SGSM2: variants seen among roughly 807,000 people sequenced by gnomAD.
The protein encoded by SGSM2 is RUN and TBC1 domain containing 1.
In SGSM2, 89 loss-of-function variants were observed where a neutral mutation model predicts 126.6. The ratio of observed to expected loss-of-function variants is 0.70; its 90% CI spans 0.59 to 0.84. The LOEUF is 0.84. Ranked by LOEUF, SGSM2 falls within the 40% of genes least tolerant of loss-of-function variation. The pLI is 0.00. For missense variants in SGSM2, 1,404 were observed against 1,416.6 expected, an observed-to-expected ratio of 0.99 and a Z score of 0.14; for synonymous variants, 614 against 574.3, an observed-to-expected ratio of 1.07 and a Z score of -0.99.
intron 2 of SGSM2, among the ~76,000 whole-genome samples, chr17:2,350,809 G>T (rs1245932824): frequency 1.3e-5 from 2 of 152,192 alleles, no homozygotes; most frequent in African/African-American, 4.8e-5. Flanking sequence ...GGTGTGGTAG[G>T]CAGGGGCCGA....
At chr17:2,344,017 G>T (rs535113372) in intron 2 of SGSM2, among the ~76,000 whole-genome samples, 100 of 152,254 alleles carry the variant, frequency 6.6e-4, no homozygotes, top group Admixed American at 1.9e-3. Flanking sequence ...TTTTGATTTT[G>T]ACTTCAGGGA....
chr17:2,338,644 C>T (rs867726426), intron 1 of SGSM2, among the ~76,000 whole-genome samples: 1 of 152,002 alleles, frequency 6.6e-6, no homozygotes, highest in Non-Finnish European at 1.5e-5. Flanking sequence ...ATACTGTAGG[C>T]ACTCCGTGAC....
At chr17:2,349,142 CAGCTGGG>C (rs2064736427) in intron 2 of SGSM2, among the ~76,000 whole-genome samples, 1 of 151,740 alleles carries the variant, frequency 6.6e-6, no homozygotes, top group Non-Finnish European at 1.5e-5. Flanking sequence ...TTGGGAGGCT[CAGCTGGG>C]TGGATCACCT....
Position 2,379,108 on chromosome 17 carries a change from T to C in SGSM2, c.2972T>C (p.Phe991Ser). 6.2e-7 allele frequency: 1 copy of C among 1,614,168 alleles called. No individual in the cohort carries two copies. The highest frequency in any genetic ancestry group is 2.2e-5 in the East Asian group (1 of 44,882). Residue 991 changes from phenylalanine to serine, a missense_variant, in exon 23 of 24, where the codon TTT (phenylalanine) becomes TCT (serine). Transcript: ENST00000268989. The stretch of plus-strand genomic sequence containing the variant: ...GCCAGGCACATCTCATCGGAGCACT[T>C]TGTCCTGTTCATCGCCCTCGCCCTG... Reference protein sequence around the residue: ...WAARHISSEHFVLFIALALVE... With the variant: ...WAARHISSEHSVLFIALALVE...
At chr17:2,343,088 G>A (rs1264551295) in intron 1 of SGSM2, among the ~76,000 whole-genome samples, 1 of 152,214 alleles carries the variant, frequency 6.6e-6, no homozygotes, top group Non-Finnish European at 1.5e-5. Flanking sequence ...GGGCTTTTGA[G>A]CATGTAGAGG....
chr17:2,350,558 C>T (rs940269809), intron 2 of SGSM2, among the ~76,000 whole-genome samples: 2 of 151,644 alleles, frequency 1.3e-5, no homozygotes, highest in Non-Finnish European at 1.5e-5. Flanking sequence ...TGCAGTGAGC[C>T]GAGACCGTAC....
intron 3 of SGSM2, 96 bp downstream of exon 3, chr17:2,361,895 G>A (rs2065325279): frequency 1.4e-6 from 2 of 1,458,814 alleles, no homozygotes; most frequent in African/African-American, 2.8e-5. Flanking sequence ...TGGCATCCTG[G>A]GCCTGTTCCT....
At position 2,378,444 on chromosome 17, in the gene SGSM2, C is replaced by T. The variant is rs144997602; in HGVS notation, c.2899+491C>T. 3.4e-4 allele frequency among the ~76,000 whole-genome samples: 52 copies of T among 150,938 alleles called. No homozygotes were observed. The East Asian group carries it at 8.0e-3, about 23-fold the overall frequency. On this transcript the variant is annotated intron_variant, in intron 22 of 23. Transcript: ENST00000268989. The stretch of plus-strand genomic sequence containing the variant: ...TACAAAAATCAGCCGGGCATGGTGG[C>T]GGGTGCCTGTAGTGGAGGCAAGGTT...
chr17:2,354,289 C>G (rs1055079035), intron 2 of SGSM2, among the ~76,000 whole-genome samples: 24 of 152,188 alleles, frequency 1.6e-4, no homozygotes, highest in Middle Eastern at 3.4e-3. Context: ...ACCTCGTGAC[C>G]CACCCGCCTC....
In SGSM2 at chr17:2,363,223, C is replaced by A. The variant is rs970681638; in HGVS notation, c.672+89C>A. On this transcript the variant is annotated intron_variant, in intron 6 of 23. Coordinates refer to ENST00000268989, the MANE Select transcript of SGSM2 (RefSeq NM_014853.3). This position sits in a 1 kb window ranked among gnomAD's most constrained non-coding sequence, Gnocchi z 4.2. ...GAAACCGGCCTCTCTACGGGACAGG[C>A]CTTGGAGATGCCCCAAGGTAGCGGC... 4.1e-6 allele frequency: 6 copies of A among 1,451,532 alleles called. No individual in the cohort carries two copies. In the South Asian group the frequency reaches 8.0e-5, roughly 19 times the overall value. 89.9% of individuals were successfully genotyped at this position (1,451,532 alleles called of 1,614,324 possible).
At chr17:2,339,754 T>C (rs905942522) in intron 1 of SGSM2, among the ~76,000 whole-genome samples, 1 of 151,226 alleles carries the variant, frequency 6.6e-6, no homozygotes, top group African/African-American at 2.4e-5. Flanking sequence ...ATGGTTCTCA[T>C]GCGTTAGCCA....
At chr17:2,373,940 G>A (rs568720213) in intron 17 of SGSM2, 4 of 178,034 alleles carry the variant, frequency 2.2e-5, no homozygotes, top group Admixed American at 1.7e-4. Flanking sequence ...GACTGCAGAG[G>A]CTTCCTGAGA....
At chr17:2,353,015 G>C (rs1474768728) in intron 2 of SGSM2, among the ~76,000 whole-genome samples, 1 of 151,600 alleles carries the variant, frequency 6.6e-6, no homozygotes, top group Non-Finnish European at 1.5e-5. Flanking sequence ...CTGACCTCGT[G>C]ATCCACCCGC....
intron 22 of SGSM2, among the ~76,000 whole-genome samples, chr17:2,378,512 C>G (rs868500371): frequency 6.8e-6 from 1 of 147,594 alleles, no homozygotes; most frequent in Non-Finnish European, 1.5e-5. Flanking sequence ...GCCTGGGCAA[C>G]AGAGCCAGAC....
chr17:2,340,675 C>T (rs2064315156), intron 1 of SGSM2, among the ~76,000 whole-genome samples: 1 of 151,906 alleles, frequency 6.6e-6, no homozygotes. Context: ...AGCTCCGCCT[C>T]CCGGGTTCAC....
chr17:2,363,825 C>T lies in SGSM2; in HGVS notation c.807+226C>T. On this transcript the variant is annotated intron_variant, in intron 7 of 23. Coordinates refer to ENST00000268989, the MANE Select transcript of SGSM2 (RefSeq NM_014853.3). The surrounding 1 kb of genome is among the most constrained non-coding windows in gnomAD (Gnocchi z 4.2). Reference sequence around the variant, plus strand: ...AGGGGAGTCCGCAGTGTGGGTATGGCTGGCCTGGAATGGACCTGGCATCCA... The same window carrying T: ...AGGGGAGTCCGCAGTGTGGGTATGGTTGGCCTGGAATGGACCTGGCATCCA... 1.2e-6 allele frequency: 1 copy of T among 806,072 alleles called. No homozygotes were observed. Among genetic ancestry groups the T allele is most frequent in the Non-Finnish European group, 1.9e-6 (1 of 520,706 alleles). 49.9% of individuals were successfully genotyped at this position (806,072 alleles called of 1,614,324 possible). A position where few individuals can be genotyped will look rare whatever the true frequency, so the allele number is the denominator to read the frequency against.
chr17:2,363,114 G>T lies in SGSM2; in HGVS notation c.652G>T (p.Ala218Ser), dbSNP rs1325516945. ...TCCACCTACTCGCCAGGACTCCCCT[G>T]CAAAGCGCCCAGCCCTGGGGGTAGG... ...RGPPTRQDSPAKRPALGIRKR... is the reference protein window; with the variant it reads ...RGPPTRQDSPSKRPALGIRKR... The change falls in exon 6 of 24, where the codon GCA becomes TCA. Residue 218 changes from alanine (A) to serine (S), a missense_variant. Physicochemically the swap from Ala to Ser is moderately conservative, Grantham distance 99 (BLOSUM62 1). Coordinates refer to ENST00000268989, the MANE Select transcript of SGSM2 (RefSeq NM_014853.3). This position sits in a 1 kb window ranked among gnomAD's most constrained non-coding sequence, Gnocchi z 4.2. The T allele has an allele frequency of 1.2e-6, 2 of 1,608,358 alleles. No homozygotes were observed. The highest frequency in any genetic ancestry group is 1.7e-6 in the Non-Finnish European group (2 of 1,178,104).
In SGSM2 at chr17:2,347,403, G is replaced by T. The variant is rs370516400; in HGVS notation, c.133+3783G>T. Among the ~76,000 whole-genome samples, 236 of 150,206 alleles carry T rather than the reference G, an allele frequency of 1.6e-3. 1 individual carries two copies. The highest frequency in any genetic ancestry group is 5.6e-3 in the African/African-American group (228 of 40,910). ...ATTACAGGTGTGAACCATCACACCCGGCCTCATTTTTTTTTTTTTTTTTTA... is the reference window on the plus strand; with the variant it reads ...ATTACAGGTGTGAACCATCACACCCTGCCTCATTTTTTTTTTTTTTTTTTA... On this transcript the variant is annotated intron_variant, in intron 2 of 23. Coordinates refer to ENST00000268989, the MANE Select transcript of SGSM2 (RefSeq NM_014853.3).
At position 2,377,246 on chromosome 17, in the gene SGSM2, G is replaced by A. The variant is rs1321022642; in HGVS notation, c.2802+178G>A. 21 of 562,604 alleles carry A rather than the reference G, an allele frequency of 3.7e-5. No homozygotes were observed. The Admixed American group carries it at 7.1e-4, about 19-fold the overall frequency. The allele number at this position is 562,604 out of a possible 1,614,324, so 34.9% of individuals were successfully genotyped here. A position where few individuals can be genotyped will look rare whatever the true frequency, so the allele number is the denominator to read the frequency against. Reference sequence around the variant, plus strand: ...CAGGCCTGTCATCCCAGCAATTTAGGAGGCCGAGGCAGGCGGATCACGAAG... The same window carrying A: ...CAGGCCTGTCATCCCAGCAATTTAGAAGGCCGAGGCAGGCGGATCACGAAG... On this transcript the variant is annotated intron_variant, in intron 21 of 23. Coordinates refer to ENST00000268989, the MANE Select transcript of SGSM2 (RefSeq NM_014853.3).
Sources: gnomAD v4.1 joint callset for allele counts (sites outside exome capture counted in the v4.1 genomes callset) on GRCh38, gnomAD v4.1.1 for gene constraint, Gnocchi (gnomAD v3.1) non-coding constraint, MANE v1.5 for transcripts, NCBI Gene and HGNC (gene_info 2026-07-23, HGNC 2026-07-21) for gene names.